The following HDAC1 variants were observed in gnomAD, a reference collection of about 807,000 sequenced individuals.
HDAC1 encodes the protein histone deacetylase 1.
In HDAC1, 18 loss-of-function variants were observed where a neutral mutation model predicts 65.5. The observed-to-expected ratio is 0.27, with a 90% confidence interval of 0.19 to 0.41. The LOEUF (loss-of-function observed/expected upper bound fraction) is 0.41. Among genes scored for constraint, HDAC1 ranks in the 10% least tolerant of loss-of-function variants. The pLI is 1.00. For synonymous variants in HDAC1, 211 were observed against 227.9 expected (o/e 0.93, Z 0.67); for missense variants, 373 against 625.2 (o/e 0.60, Z 4.30).
In HDAC1 at chr1:32,328,832, T is replaced by C. The variant is rs765129121; in HGVS notation, c.637-236T>C. On this transcript the variant is annotated intron_variant, in intron 6 of 13. Transcript: ENST00000373548. Reference sequence around the variant, plus strand: ...GTAGGCTATTCAATCTCTGGTCCCATCAAGAGCTCTCAGTCTGGGGGTAGG... The same window carrying C: ...GTAGGCTATTCAATCTCTGGTCCCACCAAGAGCTCTCAGTCTGGGGGTAGG... Among the ~76,000 whole-genome samples the C allele has an allele frequency of 1.1e-4, 17 of 152,198 alleles. 1 individual carries two copies. The highest frequency in any genetic ancestry group is 5.9e-4 in the Admixed American group (9 of 15,288).
intron 1 of HDAC1, among the ~76,000 whole-genome samples, chr1:32,302,284 T>C (rs1203083523): frequency 6.6e-6 from 1 of 152,150 alleles, no homozygotes; most frequent in East Asian, 1.9e-4. Context: ...GTTATTTTTC[T>C]GTTGTGGGAG....
At chr1:32,317,111 T>C (rs1641075922) in intron 3 of HDAC1, among the ~76,000 whole-genome samples, 1 of 152,200 alleles carries the variant, frequency 6.6e-6, no homozygotes, top group Non-Finnish European at 1.5e-5. Flanking sequence ...AGTGGGCAAG[T>C]CACTTCCCCT....
At chr1:32,306,037 GT>G (rs1177718218) in intron 2 of HDAC1, among the ~76,000 whole-genome samples, 2 of 152,160 alleles carry the variant, frequency 1.3e-5, no homozygotes, top group Non-Finnish European at 2.9e-5. Context: ...GACTTGGTCT[GT>G]TTATTGACCC....
chr1:32,292,505 G>T, intron 1 of HDAC1: 1 of 907,164 alleles, frequency 1.1e-6, no homozygotes, highest in Non-Finnish European at 1.3e-6. Context: ...CTAGAGGGGA[G>T]GGTGCGTCGG....
intron 3 of HDAC1, among the ~76,000 whole-genome samples, chr1:32,319,689 G>T (rs551666078): frequency 3.3e-5 from 5 of 152,160 alleles, no homozygotes; most frequent in African/African-American, 1.2e-4. Flanking sequence ...TTGAGGCCAG[G>T]AGTTCAAGAC....
At chr1:32,332,903 C>T (rs1047213468) in intron 13 of HDAC1, 114 bp from the exon 14 acceptor site, 7 of 1,237,444 alleles carry the variant, frequency 5.7e-6, no homozygotes, top group Non-Finnish European at 8.1e-6. Context: ...CTAGGCAGAG[C>T]TAGGAGCCCC....
At position 32,331,843 on chromosome 1, in the gene HDAC1, A is replaced by G; in HGVS notation, c.1219+37A>G. ...ACCTAGAGCCCTATGCCTTCCATTC[A>G]ATAGGCAGCTCACACTTCCACCACC... On this transcript the variant is annotated intron_variant, in intron 11 of 13. Coordinates refer to ENST00000373548, the MANE Select transcript of HDAC1 (RefSeq NM_004964.3). This position sits in a 1 kb window ranked among gnomAD's most constrained non-coding sequence, Gnocchi z 4.2. 6.4e-7 allele frequency: 1 copy of G among 1,566,718 alleles called. No homozygotes were observed. The highest frequency in any genetic ancestry group is 8.7e-7 in the Non-Finnish European group (1 of 1,154,510).
At position 32,332,229 on chromosome 1, in the gene HDAC1, AGAG is replaced by A. The variant is rs776972332; in HGVS notation, c.1363_1365del (p.Glu455del). ...CAGAGGATGAAAAAGAGAAAGACCC[AGAG>A]GAGAAGAAAGGTGGGTTTGGGTTCA... is the stretch of plus-strand genomic sequence containing the variant. On this transcript the variant is annotated inframe_deletion, in exon 12 of 14. Coordinates refer to ENST00000373548, the MANE Select transcript of HDAC1 (RefSeq NM_004964.3). The A allele has an allele frequency of 8.5e-4, 1,378 of 1,612,118 alleles. 1 individual carries two copies. The highest frequency in any genetic ancestry group is 1.1e-3 in the Non-Finnish European group (1,289 of 1,179,098).
chr1:32,306,677 T>C (rs955568123), intron 2 of HDAC1, among the ~76,000 whole-genome samples: 1 of 151,888 alleles, frequency 6.6e-6, no homozygotes, highest in Admixed American at 6.6e-5. Context: ...TTGTTGTTGT[T>C]TCTGTAGGAT....
At position 32,302,648 on chromosome 1, in the gene HDAC1, A is replaced by C; in HGVS notation, c.77A>C (p.Gln26Pro). 6.3e-7 allele frequency: 1 copy of C among 1,596,942 alleles called. No individual in the cohort carries two copies. The highest frequency in any genetic ancestry group is 8.6e-7 in the Non-Finnish European group (1 of 1,164,428). ...DGDVGNYYYG[Q>P]GHPMKPHRIR... ...GATGTTGGAAATTACTATTATGGAC[A>C]AGGCCACCCAATGAAGCCTCACCGA... Residue 26 changes from glutamine to proline, a missense_variant, in exon 2 of 14, where the codon CAA (glutamine) becomes CCA (proline). This residue lies in a region of HDAC1 where 80 missense variants were observed against 126.3 expected (regional missense o/e 0.63). Coordinates refer to ENST00000373548, the MANE Select transcript of HDAC1 (RefSeq NM_004964.3).
At chr1:32,332,616 G>C in intron 12 of HDAC1, 85 bp from the exon 13 acceptor site, 1 of 960,374 alleles carries the variant, frequency 1.0e-6, no homozygotes, top group South Asian at 1.4e-5. Flanking sequence ...TGTAGTGTTG[G>C]GGAAGGGGTC....
At chr1:32,320,012 C>T (rs942625076) in intron 3 of HDAC1, among the ~76,000 whole-genome samples, 3 of 151,734 alleles carry the variant, frequency 2.0e-5, no homozygotes, top group Non-Finnish European at 4.4e-5. Flanking sequence ...GTCAGTACAT[C>T]GAGACACCAT....
intron 2 of HDAC1, 133 bp downstream of exon 2, chr1:32,302,866 G>T (rs1334207512): frequency 1.6e-6 from 1 of 627,030 alleles, no homozygotes. Flanking sequence ...TACAAGGCAG[G>T]TACTGTAAAT....
At chr1:32,322,139 C>T (rs1451696149) in intron 3 of HDAC1, among the ~76,000 whole-genome samples, 1 of 152,160 alleles carries the variant, frequency 6.6e-6, no homozygotes, top group Non-Finnish European at 1.5e-5. Context: ...GCTCTCACCC[C>T]AGGGCTGCTC....
chr1:32,313,155 G>A (rs1182437550), intron 2 of HDAC1, among the ~76,000 whole-genome samples: 1 of 151,750 alleles, frequency 6.6e-6, no homozygotes, highest in Non-Finnish European at 1.5e-5. Flanking sequence ...GAACGCAGTG[G>A]CATGATCTCA....
chr1:32,304,098 A>T (rs1640882522), intron 2 of HDAC1, among the ~76,000 whole-genome samples: 1 of 152,152 alleles, frequency 6.6e-6, no homozygotes, highest in Non-Finnish European at 1.5e-5. Context: ...TCCAAATGAG[A>T]AAATAAAGAG....
At chr1:32,292,424 G>C in intron 1 of HDAC1, 1 of 985,290 alleles carries the variant, frequency 1.0e-6, no homozygotes, top group Non-Finnish European at 1.2e-6. Context: ...GGGATCGCGT[G>C]GGGGAAGCGT....
At chr1:32,322,635 GC>G (rs1222373207) in intron 3 of HDAC1, among the ~76,000 whole-genome samples, 1 of 152,190 alleles carries the variant, frequency 6.6e-6, no homozygotes, top group Non-Finnish European at 1.5e-5. Context: ...TGAGTCTACA[GC>G]CTCCAGGTGT....
chr1:32,324,629 A>G (rs2148069087), intron 4 of HDAC1, 76 bp downstream of exon 4: 5 of 965,336 alleles, frequency 5.2e-6, no homozygotes, highest in Non-Finnish European at 8.5e-6. Context: ...CTGCTATCCT[A>G]GTTGGCTGAT....
Sources: gnomAD v4.1 joint callset for allele counts (sites outside exome capture counted in the v4.1 genomes callset) on GRCh38, gnomAD v4.1.1 for gene constraint, gnomAD v4.1.1 regional missense constraint, Gnocchi (gnomAD v3.1) non-coding constraint, MANE v1.5 for transcripts, NCBI Gene and HGNC (gene_info 2026-07-23, HGNC 2026-07-21) for gene names.